Variants in COL25A1 observed in about 807,000 individuals in gnomAD.
COL25A1 encodes the protein collagen type XXV alpha 1 chain.
COL25A1 carries 103 observed loss-of-function variants against 128.4 expected under a neutral mutation model. That is an observed-to-expected ratio of 0.80 (90% CI 0.68 to 0.94). The LOEUF is 0.94. Among genes scored for constraint, COL25A1 ranks in the 40% least tolerant of loss-of-function variants. The pLI is 0.00. For synonymous variants in COL25A1, 279 were observed against 277.2 expected (o/e 1.01, Z -0.06); for missense variants, 745 against 840.0 (o/e 0.89, Z 1.40).
At chr4:108,941,476 A>T (rs780992055) in intron 8 of COL25A1, 39 bp from the exon 9 acceptor site, 1 of 1,473,238 alleles carries the variant, frequency 6.8e-7, no homozygotes, top group Non-Finnish European at 9.5e-7. Context: ...AAGTTCAGAG[A>T]TGAGAGAGTT....
chr4:109,174,956 A>T (rs1202131186), intron 3 of COL25A1, among the ~76,000 whole-genome samples: 1 of 152,174 alleles, frequency 6.6e-6, no homozygotes, highest in East Asian at 1.9e-4. Context: ...TCTCATAGGA[A>T]CATGAACCCT....
chr4:109,253,729 C>T lies in COL25A1; in HGVS notation c.367+46854G>A, dbSNP rs140986415. Among the ~76,000 whole-genome samples the T allele has an allele frequency of 5.0e-3, 762 of 152,136 alleles. 3 individuals carry two copies. The highest frequency in any genetic ancestry group is 0.02 in the Middle Eastern group (6 of 294). ...TTCCACCTGGAATCACTCTAAAATC[C>T]ACTTTTTGACCAACACCAAATAATA... On this transcript the variant is annotated intron_variant, in intron 3 of 37. Transcript: ENST00000399132.
chr4:108,834,329 C>A (rs1733522541), intron 31 of COL25A1: 2 of 1,549,988 alleles, frequency 1.3e-6, no homozygotes, highest in South Asian at 1.2e-5. Flanking sequence ...CAAAACATGT[C>A]AGAGCAAGAC....
At chr4:108,945,480 T>C (rs541959850) in intron 8 of COL25A1, among the ~76,000 whole-genome samples, 3 of 152,310 alleles carry the variant, frequency 2.0e-5, no homozygotes, top group South Asian at 2.1e-4. Flanking sequence ...TACCATTTTT[T>C]CCCACAGTAT....
chr4:109,248,430 T>A (rs1780426020), intron 3 of COL25A1, among the ~76,000 whole-genome samples: 1 of 152,160 alleles, frequency 6.6e-6, no homozygotes, highest in Non-Finnish European at 1.5e-5. Context: ...AGTCCCCTGT[T>A]CCAGCCACCC....
intron 8 of COL25A1, among the ~76,000 whole-genome samples, chr4:108,959,372 TTACCAGTTTGCAGCC>T (rs1404250461): frequency 2.0e-5 from 3 of 152,106 alleles, no homozygotes; most frequent in Non-Finnish European, 4.4e-5. Context: ...GGTTCACAGG[TTACCAGTTTGCAGCC>T]TCTAATCTGC....
In COL25A1 at chr4:109,301,815, C is replaced by T. The variant is rs1725576514; in HGVS notation, c.205G>A (p.Ala69Thr). The change falls in exon 2 of 38, where the codon GCC becomes ACC. Residue 69 changes from alanine to threonine, a missense_variant. By Grantham distance (58) the Ala-to-Thr change is moderately conservative. This residue lies in a region of COL25A1 where 319 missense variants were observed against 324.9 expected (regional missense o/e 0.98). Coordinates refer to ENST00000399132, the MANE Select transcript of COL25A1 (RefSeq NM_198721.4). ...LQARIAALES[A>T]KGAPSIHLLP... is the part of the protein sequence containing the mutation. Reference sequence around the variant, plus strand: ...AGATGAATGGAAGGGGCCCCTTTGGCGGATTCGAGAGCGGCGATCCTCGCC... The same window carrying T: ...AGATGAATGGAAGGGGCCCCTTTGGTGGATTCGAGAGCGGCGATCCTCGCC... The T allele has an allele frequency of 6.8e-6, 11 of 1,614,256 alleles. No homozygotes were observed. The highest frequency in any genetic ancestry group is 9.3e-6 in the Non-Finnish European group (11 of 1,180,048).
chr4:109,181,524 GAAC>G (rs1230313844), intron 3 of COL25A1, among the ~76,000 whole-genome samples: 4 of 151,890 alleles, frequency 2.6e-5, no homozygotes, highest in Non-Finnish European at 4.4e-5. Context: ...TGAAAGTAAA[GAAC>G]AATAGCTAAA....
intron 5 of COL25A1, among the ~76,000 whole-genome samples, chr4:109,022,568 C>G (rs1757875843): frequency 1.3e-5 from 2 of 152,074 alleles, no homozygotes; most frequent in African/African-American, 4.8e-5. Flanking sequence ...TACATATATA[C>G]AAATGTTTAT....
chr4:109,151,596 A>G (rs894580662), intron 3 of COL25A1, among the ~76,000 whole-genome samples: 1 of 152,138 alleles, frequency 6.6e-6, no homozygotes, highest in Non-Finnish European at 1.5e-5. Context: ...CTTTGTATCA[A>G]CTGGTTATGG....
chr4:109,231,117 G>T (rs112869579), intron 3 of COL25A1, among the ~76,000 whole-genome samples: 5,255 of 151,754 alleles, frequency 0.035, 317 homozygotes, highest in African/African-American at 0.12. Context: ...CTCCAGCCTG[G>T]GAACAGAAGC....
chr4:109,197,428 TA>T (rs1341936241), intron 3 of COL25A1, among the ~76,000 whole-genome samples: 11 of 125,426 alleles, frequency 8.8e-5, no homozygotes, highest in Non-Finnish European at 1.6e-4. Context: ...ATATTATATA[TA>T]AATATTATAT....
chr4:109,105,217 T>A (rs1766313890), intron 3 of COL25A1, among the ~76,000 whole-genome samples: 1 of 152,192 alleles, frequency 6.6e-6, no homozygotes, highest in African/African-American at 2.4e-5. Flanking sequence ...TACACACCTA[T>A]AATACCAGCA....
intron 8 of COL25A1, among the ~76,000 whole-genome samples, chr4:108,963,902 CA>C (rs1751010027): frequency 6.6e-6 from 1 of 151,276 alleles, no homozygotes; most frequent in Non-Finnish European, 1.5e-5. Context: ...AAAGATAAGG[CA>C]TACATCCAGG....
At chr4:109,044,972 G>C (rs1453860577) in intron 5 of COL25A1, among the ~76,000 whole-genome samples, 1 of 152,120 alleles carries the variant, frequency 6.6e-6, no homozygotes, top group Non-Finnish European at 1.5e-5. Flanking sequence ...TTATATGCCA[G>C]TTTTCCTCCT....
At chr4:109,262,446 G>A (rs112112365) in intron 3 of COL25A1, among the ~76,000 whole-genome samples, 5 of 151,998 alleles carry the variant, frequency 3.3e-5, no homozygotes, top group South Asian at 2.1e-4. Flanking sequence ...CCTGGGAGGC[G>A]GAGGTTACAG....
intron 17 of COL25A1, 83 bp downstream of exon 17, chr4:108,889,618 G>A: frequency 8.3e-7 from 1 of 1,203,166 alleles, no homozygotes; most frequent in Admixed American, 1.8e-5. Flanking sequence ...CATCAAAGTT[G>A]CTAAAAAGGG....
intron 6 of COL25A1, among the ~76,000 whole-genome samples, chr4:108,976,322 A>C (rs1176574954): frequency 6.6e-6 from 1 of 152,232 alleles, no homozygotes; most frequent in Non-Finnish European, 1.5e-5. Context: ...AATTAACCAA[A>C]CACCATTTCT....
chr4:109,006,906 T>C (rs1648013), intron 6 of COL25A1, among the ~76,000 whole-genome samples: 77,707 of 151,820 alleles, frequency 0.51, 22,026 homozygotes, highest in African/African-American at 0.74. Context: ...TGGGCACCTG[T>C]GGGGGCTTGG....
Sources: allele counts gnomAD v4.1 joint callset (sites outside exome capture counted in the v4.1 genomes callset), GRCh38; gene constraint gnomAD v4.1.1; regional missense constraint gnomAD v4.1.1; transcripts MANE v1.5; gene names NCBI Gene and HGNC (gene_info 2026-07-23, HGNC 2026-07-21).